Variants in RBP7 observed in about 807,000 individuals in gnomAD.
The protein encoded by RBP7 is retinoid-binding protein 7.
A neutral mutation model predicts 16.7 loss-of-function variants in RBP7; 13 were observed. The ratio of observed to expected loss-of-function variants is 0.78; its 90% confidence interval spans 0.51 to 1.24. The LOEUF (loss-of-function observed/expected upper bound fraction) is 1.24. Ranked by LOEUF, RBP7 falls within the 50% of genes most tolerant of loss-of-function variation. The probability of loss-of-function intolerance (pLI) is 0.00; values close to 1 mark genes in which losing one functional copy is unlikely to be tolerated. For synonymous variants in RBP7, 54 were observed against 56.2 expected (o/e 0.96, Z 0.17); for missense variants, 145 against 159.5 (o/e 0.91, Z 0.49).
chr1:10,010,103 T>A (rs1276021502), intron 3 of RBP7, among the ~76,000 whole-genome samples: 1 of 152,012 alleles, frequency 6.6e-6, no homozygotes, highest in Non-Finnish European at 1.5e-5. Flanking sequence ...CAACTATTAT[T>A]TTACAGCCTG....
intron 1 of RBP7, among the ~76,000 whole-genome samples, chr1:9,998,413 T>TCTTTC (rs1331526613): frequency 6.9e-6 from 1 of 144,204 alleles, no homozygotes; most frequent in African/African-American, 2.6e-5. Flanking sequence ...CTTTCTTTTT[T>TCTTTC]TTTTTTTTTT....
Position 9,997,253 on chromosome 1 carries a change from C to T in RBP7, c.-6C>T. 1 of 1,609,374 alleles carries T rather than the reference C, an allele frequency of 6.2e-7. No homozygotes were observed. The highest frequency in any genetic ancestry group is 1.1e-5 in the South Asian group (1 of 90,558). On this transcript the variant is annotated 5_prime_UTR_variant, in exon 1 of 4. Transcript: ENST00000294435. The surrounding 1 kb of genome is among the most constrained non-coding windows in gnomAD (Gnocchi z 5.9). The stretch of plus-strand genomic sequence containing the variant: ...GCCCGCCGGGTTTGTCCCGCGATCC[C>T]CGACCATGCCCGCCGACCTCAGCGG...
intron 3 of RBP7, 31 bp from the exon 4 acceptor site, chr1:10,015,751 C>T: frequency 6.2e-7 from 1 of 1,601,182 alleles, no homozygotes; most frequent in Non-Finnish European, 8.6e-7. Context: ...GCAAACTGAT[C>T]CTTCTTTTTC....
chr1:10,005,820 C>T (rs1642427256), intron 1 of RBP7, among the ~76,000 whole-genome samples: 1 of 152,146 alleles, frequency 6.6e-6, no homozygotes, highest in Non-Finnish European at 1.5e-5. Flanking sequence ...GCCTCTGCCT[C>T]CCAAAGTGCT....
chr1:10,008,649 C>T (rs1464225954), intron 3 of RBP7, among the ~76,000 whole-genome samples: 1 of 151,520 alleles, frequency 6.6e-6, no homozygotes, highest in Non-Finnish European at 1.5e-5. Context: ...CCATGTTGGC[C>T]AGGATGGTCT....
At chr1:10,006,749 G>GTATATA (rs1278390442) in intron 1 of RBP7, among the ~76,000 whole-genome samples, 1 of 143,882 alleles carries the variant, frequency 7.0e-6, no homozygotes, top group African/African-American at 2.8e-5. Flanking sequence ...GTGTGTGTGT[G>GTATATA]TGTATATATA....
intron 3 of RBP7, among the ~76,000 whole-genome samples, chr1:10,008,902 C>T (rs1031471690): frequency 2.0e-5 from 3 of 152,268 alleles, no homozygotes; most frequent in Non-Finnish European, 2.9e-5. Flanking sequence ...GTAATAGCTA[C>T]TTTATGTATA....
At chr1:10,009,109 C>A (rs965457928) in intron 3 of RBP7, among the ~76,000 whole-genome samples, 1 of 151,972 alleles carries the variant, frequency 6.6e-6, no homozygotes, top group Non-Finnish European at 1.5e-5. Flanking sequence ...CATCAGAATC[C>A]AGTTTAAAAG....
chr1:10,008,771 G>A (rs912758962), intron 3 of RBP7, among the ~76,000 whole-genome samples: 3 of 151,926 alleles, frequency 2.0e-5, no homozygotes, highest in Admixed American at 6.6e-5. Context: ...AAAATTAGCC[G>A]GGCATAGTGG....
chr1:10,004,884 T>C (rs1220262246), intron 1 of RBP7, among the ~76,000 whole-genome samples: 2 of 152,036 alleles, frequency 1.3e-5, no homozygotes, highest in African/African-American at 2.4e-5. Context: ...CCCCAGCTAC[T>C]TGGGAGGCTG....
intron 1 of RBP7, among the ~76,000 whole-genome samples, chr1:10,003,463 A>G (rs1642335503): frequency 6.6e-6 from 1 of 152,062 alleles, no homozygotes; most frequent in Non-Finnish European, 1.5e-5. Flanking sequence ...AAAACAAAAA[A>G]ACCACCCCTT....
intron 3 of RBP7, among the ~76,000 whole-genome samples, chr1:10,012,834 T>C (rs947456013): frequency 1.1e-4 from 16 of 145,830 alleles, no homozygotes; most frequent in Non-Finnish European, 2.1e-4. Context: ...CTCGGGAGGC[T>C]GAGGCAGGAG....
Position 9,997,969 on chromosome 1 carries a change from A to G in RBP7, c.73+638A>G, listed in dbSNP as rs1205839988. Among the ~76,000 whole-genome samples, 1 of 151,826 alleles carries G rather than the reference A, an allele frequency of 6.6e-6. No homozygotes were observed. Among genetic ancestry groups the G allele is most frequent in the African/African-American group, 2.4e-5 (1 of 41,302 alleles). On this transcript the variant is annotated intron_variant, in intron 1 of 3. Transcript: ENST00000294435. The surrounding 1 kb of genome is among the most constrained non-coding windows in gnomAD (Gnocchi z 5.9). ...CGTGCCCCGACCGCCGCCTCCCACG[A>G]GGGCTGGGTGCCCGCGGCGTTCTTG...
chr1:10,008,630 G>A (rs1299251428), intron 3 of RBP7, among the ~76,000 whole-genome samples: 1 of 151,426 alleles, frequency 6.6e-6, no homozygotes, highest in African/African-American at 2.4e-5. Flanking sequence ...TAGTGGAGAC[G>A]GGGTTTCACC....
intron 1 of RBP7, among the ~76,000 whole-genome samples, chr1:10,003,151 G>T (rs955807752): frequency 6.6e-6 from 1 of 152,162 alleles, no homozygotes. Context: ...CGTTAGCCGG[G>T]CATGGTGGCT....
chr1:10,010,970 C>A (rs1387259103), intron 3 of RBP7, among the ~76,000 whole-genome samples: 2 of 152,174 alleles, frequency 1.3e-5, no homozygotes, highest in African/African-American at 4.8e-5. Context: ...CTCAGGTGAT[C>A]TGCCCGCCTT....
At chr1:10,012,211 CAAAAAAAA>C (rs35228920) in intron 3 of RBP7, among the ~76,000 whole-genome samples, 1 of 50,744 alleles carries the variant, frequency 2.0e-5, no homozygotes, top group Non-Finnish European at 3.5e-5. Context: ...AACTCCATCT[CAAAAAAAA>C]AAAAAAAAAA....
chr1:10,008,751 T>C (rs1032529757), intron 3 of RBP7, among the ~76,000 whole-genome samples: 4 of 151,950 alleles, frequency 2.6e-5, no homozygotes, highest in African/African-American at 9.7e-5. Flanking sequence ...CCATCTCTAC[T>C]GAAAATACAA....
chr1:10,008,365 T>A (rs180991465), intron 3 of RBP7, 91 bp downstream of exon 3: 1 of 776,702 alleles, frequency 1.3e-6, no homozygotes, highest in Non-Finnish European at 2.2e-6. Flanking sequence ...AATCCCAGCA[T>A]TTTAGGAGGC....
Sources: allele counts gnomAD v4.1 joint callset (sites outside exome capture counted in the v4.1 genomes callset), GRCh38; gene constraint gnomAD v4.1.1; non-coding constraint Gnocchi (gnomAD v3.1); transcripts MANE v1.5; gene names NCBI Gene and HGNC (gene_info 2026-07-23, HGNC 2026-07-21).